RBM20: variants seen among roughly 807,000 people sequenced by gnomAD.
RBM20 encodes RNA-binding protein 20.
RBM20 carries 51 observed loss-of-function variants against 110.1 expected under a neutral mutation model. The observed-to-expected ratio is 0.46, with a 90% CI of 0.37 to 0.59. The LOEUF (loss-of-function observed/expected upper bound fraction) is 0.59, where lower values mean the gene tolerates loss of function less well. Among genes scored for constraint, RBM20 ranks in the 20% least tolerant of loss-of-function variants. The probability of loss-of-function intolerance (pLI) is 0.00; values close to 1 mark genes in which losing one functional copy is unlikely to be tolerated. For missense variants in RBM20, 1,512 were observed against 1,574.9 expected (o/e 0.96, Z 0.68); for synonymous variants, 589 against 618.2 (o/e 0.95, Z 0.70).
At position 110,767,734 on chromosome 10, in the gene RBM20, G is replaced by A. The variant is rs577939695; in HGVS notation, c.192-13067G>A. The stretch of plus-strand genomic sequence containing the variant: ...GCTCCCCACATCTCAGACGATGGGC[G>A]GCCGGGCAGAGACGCTCCTCACTTC... On this transcript the variant is annotated intron_variant, in intron 1 of 13. Coordinates refer to ENST00000369519, the MANE Select transcript of RBM20 (RefSeq NM_001134363.3). Among the ~76,000 whole-genome samples, 95 of 151,140 alleles carry A rather than the reference G, an allele frequency of 6.3e-4. 2 individuals carry two copies. In the South Asian group the frequency reaches 0.017, roughly 26 times the overall value.
At chr10:110,730,819 G>A (rs2134950882) in intron 1 of RBM20, among the ~76,000 whole-genome samples, 1 of 152,360 alleles carries the variant, frequency 6.6e-6, no homozygotes, top group South Asian at 2.1e-4. Flanking sequence ...TCATGTGGGA[G>A]AGGCCGGCAG....
rs144422020 is a variant in RBM20, at chr10:110,690,331, A to G, written c.191+45686A>G. Among the ~76,000 whole-genome samples the G allele has an allele frequency of 5.9e-3, 892 of 152,270 alleles. 12 individuals are homozygous for G. The highest frequency in any genetic ancestry group is 0.02 in the African/African-American group (826 of 41,540). Reference sequence around the variant, plus strand: ...TGAGGCAGGAGGATCGCTTAAGCCTAGGAATTTGAGGTTGCAGTGAGCTGT... The same window carrying G: ...TGAGGCAGGAGGATCGCTTAAGCCTGGGAATTTGAGGTTGCAGTGAGCTGT... On this transcript the variant is annotated intron_variant, in intron 1 of 13. Transcript: ENST00000369519.
intron 1 of RBM20, among the ~76,000 whole-genome samples, chr10:110,758,014 C>CTGTTT (rs1843943136): frequency 1.3e-5 from 1 of 79,910 alleles, no homozygotes; most frequent in Non-Finnish European, 2.2e-5. Context: ...GATCCTTGTT[C>CTGTTT]TTTTTTTTTT....
At chr10:110,825,494 C>T (rs1317993751) in intron 12 of RBM20, among the ~76,000 whole-genome samples, 1 of 152,156 alleles carries the variant, frequency 6.6e-6, no homozygotes, top group East Asian at 1.9e-4. Flanking sequence ...CCAGTCTCTC[C>T]CCAGTCTCCA....
At chr10:110,821,156 G>A (rs1844903622) in intron 10 of RBM20, 119 bp from the exon 11 acceptor site, 2 of 809,200 alleles carry the variant, frequency 2.5e-6, no homozygotes, top group African/African-American at 3.4e-5. Context: ...AATTGTACCA[G>A]GTAGAGGTAA....
intron 1 of RBM20, among the ~76,000 whole-genome samples, chr10:110,717,125 C>T (rs895644625): frequency 2.5e-4 from 38 of 152,158 alleles, no homozygotes; most frequent in African/African-American, 8.2e-4. Flanking sequence ...CAATCCTCAA[C>T]TGCAGGCTTC....
chr10:110,668,271 G>A (rs1432578575), intron 1 of RBM20, among the ~76,000 whole-genome samples: 1 of 152,146 alleles, frequency 6.6e-6, no homozygotes, highest in Admixed American at 6.5e-5. Context: ...AGGGAATTAG[G>A]GACCACTAGC....
At chr10:110,769,572 G>T (rs1844157476) in intron 1 of RBM20, among the ~76,000 whole-genome samples, 1 of 152,090 alleles carries the variant, frequency 6.6e-6, no homozygotes, top group Non-Finnish European at 1.5e-5. Flanking sequence ...AGGGAAGGTA[G>T]TTTTATAATT....
Position 110,821,864 on chromosome 10 carries a change from T to C in RBM20, c.3245T>C (p.Leu1082Pro), listed in dbSNP as rs878854252. ...GATGGGGCTTGTGAAGGCAGCCCCC[T>C]GGAGGAGAAAGCCAGCCCCCCCATC... ...PEDGACEGSP[L>P]EEKASPPIET... The change falls in exon 11 of 14, where the codon CTG becomes CCG. Residue 1082 changes from leucine (L) to proline (P), a missense_variant. Leu to Pro is a moderately conservative substitution (Grantham distance 98). Coordinates refer to ENST00000369519, the MANE Select transcript of RBM20 (RefSeq NM_001134363.3). 9.7e-6 allele frequency: 15 copies of C among 1,551,540 alleles called. No individual in the cohort carries two copies. The highest frequency in any genetic ancestry group is 1.3e-5 in the Non-Finnish European group (15 of 1,147,008).
chr10:110,837,461 G>A lies in RBM20; in HGVS notation c.*1483G>A, dbSNP rs893928750. 2.0e-5 allele frequency: 3 copies of A among 152,156 alleles called. No individual in the cohort carries two copies. Among genetic ancestry groups the A allele is most frequent in the Non-Finnish European group, 4.4e-5 (3 of 68,044 alleles). 9.4% of individuals were successfully genotyped at this position (152,156 alleles called of 1,614,324 possible). Reference sequence around the variant, plus strand: ...AAGCACCCTTCATAGCTTAGCCCAGGAAAAATAAAACAAGGAAGACAGGTC... The same window carrying A: ...AAGCACCCTTCATAGCTTAGCCCAGAAAAAATAAAACAAGGAAGACAGGTC... On this transcript the variant is annotated 3_prime_UTR_variant, in exon 14 of 14. Transcript: ENST00000369519.
chr10:110,816,190 C>T (rs1245511288), intron 9 of RBM20, among the ~76,000 whole-genome samples: 3 of 151,838 alleles, frequency 2.0e-5, no homozygotes, highest in South Asian at 2.1e-4. Flanking sequence ...TCACCTCCTT[C>T]GTCTTTACTC....
intron 5 of RBM20, among the ~76,000 whole-genome samples, chr10:110,787,220 G>T (rs1046076087): frequency 6.6e-6 from 1 of 152,178 alleles, no homozygotes; most frequent in Non-Finnish European, 1.5e-5. Context: ...ATTATTCCTC[G>T]AATCTCAGAA....
intron 1 of RBM20, among the ~76,000 whole-genome samples, chr10:110,682,294 T>G (rs1417893212): frequency 6.6e-6 from 1 of 152,192 alleles, no homozygotes; most frequent in Non-Finnish European, 1.5e-5. Flanking sequence ...AGTACCTCAG[T>G]CTTTTCTTGT....
intron 1 of RBM20, among the ~76,000 whole-genome samples, chr10:110,695,447 C>T (rs983765882): frequency 7.9e-5 from 12 of 152,190 alleles, no homozygotes; most frequent in Non-Finnish European, 1.5e-5. Context: ...TGTCTGTCTG[C>T]TGGAAAGCTG....
intron 9 of RBM20, among the ~76,000 whole-genome samples, chr10:110,816,506 C>T (rs947909467): frequency 1.3e-5 from 2 of 151,984 alleles, no homozygotes; most frequent in African/African-American, 4.8e-5. Flanking sequence ...TCCTCTCCCT[C>T]GCACCGCTGC....
Position 110,836,060 on chromosome 10 carries a change from G to T in RBM20, c.*82G>T. 3.2e-6 allele frequency: 2 copies of T among 632,312 alleles called. No homozygotes were observed. Among genetic ancestry groups the T allele is most frequent in the Non-Finnish European group, 5.7e-6 (2 of 353,042 alleles). 39.2% of individuals were successfully genotyped at this position (632,312 alleles called of 1,614,324 possible). On this transcript the variant is annotated 3_prime_UTR_variant, in exon 14 of 14. Transcript: ENST00000369519. Reference sequence around the variant, plus strand: ...GAAGTGGGGCCTTCCTGATTCTGGGGACAGGACTAAAGCCTGAGAGGAAGG... The same window carrying T: ...GAAGTGGGGCCTTCCTGATTCTGGGTACAGGACTAAAGCCTGAGAGGAAGG...
chr10:110,770,850 C>T (rs1177373652), intron 1 of RBM20, among the ~76,000 whole-genome samples: 3 of 151,960 alleles, frequency 2.0e-5, no homozygotes, highest in Admixed American at 6.6e-5. Context: ...CACTTAACAG[C>T]GCCTCAGAGG....
chr10:110,725,851 C>T (rs2134940533), intron 1 of RBM20, among the ~76,000 whole-genome samples: 1 of 152,350 alleles, frequency 6.6e-6, no homozygotes, highest in Admixed American at 6.5e-5. Context: ...CACGCCAGTT[C>T]TCTGAGACGG....
chr10:110,792,990 A>G (rs987667999), intron 5 of RBM20, among the ~76,000 whole-genome samples: 3 of 152,304 alleles, frequency 2.0e-5, no homozygotes, highest in Middle Eastern at 3.4e-3. Flanking sequence ...GAAAGCTATC[A>G]TTATCCTGGT....
Sources: gnomAD v4.1 joint callset for allele counts (sites outside exome capture counted in the v4.1 genomes callset) on GRCh38, gnomAD v4.1.1 for gene constraint, MANE v1.5 for transcripts, NCBI Gene and HGNC (gene_info 2026-07-23, HGNC 2026-07-21) for gene names.